MRTFB: variants seen among roughly 807,000 people sequenced by gnomAD.
MRTFB encodes the protein myocardin related transcription factor B, also known as myocardin-related transcription factor B.
In MRTFB, 29 loss-of-function variants were observed where a neutral mutation model predicts 104.2. That is an observed-to-expected ratio of 0.28 (90% CI 0.21 to 0.38). MRTFB has a LOEUF of 0.38. Among genes scored for constraint, MRTFB ranks in the 10% least tolerant of loss-of-function variants. The pLI is 1.00. For missense variants in MRTFB, 1,270 were observed against 1,341.6 expected (o/e 0.95, Z 0.83); for synonymous variants, 535 against 519.5 (o/e 1.03, Z -0.41).
chr16:14,207,838 G>A (rs1438281220), intron 3 of MRTFB, among the ~76,000 whole-genome samples: 1 of 152,208 alleles, frequency 6.6e-6, no homozygotes, highest in African/African-American at 2.4e-5. Flanking sequence ...CTGGGGAGGG[G>A]ATTATGGGAA....
intron 3 of MRTFB, chr16:14,152,892 A>T (rs1174053603): frequency 6.6e-6 from 1 of 152,216 alleles, no homozygotes; most frequent in African/African-American, 2.4e-5. Flanking sequence ...ATACAATCAA[A>T]AATTTCTTAA....
In MRTFB at chr16:14,127,000, A is replaced by G. The variant is rs12597459; in HGVS notation, c.-63-13544A>G. Among the ~76,000 whole-genome samples, 527 of 152,320 alleles carry G rather than the reference A, an allele frequency of 3.5e-3. 6 individuals are homozygous for G. In the East Asian group the frequency reaches 0.046, roughly 13 times the overall value. ...TAATTCCAAACACCTGACATATAGTATCTCACTTCATTTGCACTCTGCAAG... is the reference window on the plus strand; with the variant it reads ...TAATTCCAAACACCTGACATATAGTGTCTCACTTCATTTGCACTCTGCAAG... On this transcript the variant is annotated intron_variant, in intron 2 of 16. Coordinates refer to ENST00000571589, the MANE Select transcript of MRTFB (RefSeq NM_001308142.2).
At chr16:14,131,493 G>A (rs1160420276) in intron 2 of MRTFB, among the ~76,000 whole-genome samples, 1 of 151,900 alleles carries the variant, frequency 6.6e-6, no homozygotes. Flanking sequence ...GTCTGTCAAA[G>A]CACATTATCA....
At chr16:14,241,339 G>A (rs2042759973) in intron 10 of MRTFB, 1 of 152,268 alleles carries the variant, frequency 6.6e-6, no homozygotes, top group Non-Finnish European at 1.5e-5. Flanking sequence ...GGGACGGAAG[G>A]GAGTGAATTC....
the MRTFB span, among the ~76,000 whole-genome samples, chr16:14,017,711 ATTTTTTTTTT>A: frequency 0.015 from 514 of 33,590 alleles, 39 homozygotes; most frequent in Admixed American, 0.021. Flanking sequence ...ATATATATAT[ATTTTTTTTTT>A]TTTTTTTTTT....
the MRTFB span, among the ~76,000 whole-genome samples, chr16:13,996,227 G>A: frequency 2.6e-5 from 4 of 151,820 alleles, no homozygotes; most frequent in African/African-American, 9.7e-5. Flanking sequence ...AGCCAAGATC[G>A]TGCCGTTGCA....
chr16:14,029,478 A>G, the MRTFB span, among the ~76,000 whole-genome samples: 1 of 143,304 alleles, frequency 7.0e-6, no homozygotes, highest in East Asian at 2.0e-4. Flanking sequence ...AAACACACAC[A>G]TATGTATATA....
At chr16:14,260,014 C>A (rs1426188692) in intron 16 of MRTFB, among the ~76,000 whole-genome samples, 1 of 152,124 alleles carries the variant, frequency 6.6e-6, no homozygotes, top group African/African-American at 2.4e-5. Context: ...TAAATGAAAC[C>A]AATCATAGCC....
chr16:14,047,025 C>CT, the MRTFB span, among the ~76,000 whole-genome samples: 3 of 152,182 alleles, frequency 2.0e-5, no homozygotes, highest in Admixed American at 2.0e-4. Context: ...GGCCCTGTGC[C>CT]TAGCGGCTGG....
chr16:14,050,833 G>A, the MRTFB span, among the ~76,000 whole-genome samples: 3 of 152,030 alleles, frequency 2.0e-5, no homozygotes, highest in African/African-American at 2.4e-5. Flanking sequence ...TGGAGGTCTC[G>A]ATAATACTGT....
intron 2 of MRTFB, among the ~76,000 whole-genome samples, chr16:14,137,369 T>G (rs1228428126): frequency 6.6e-6 from 1 of 152,118 alleles, no homozygotes; most frequent in Non-Finnish European, 1.5e-5. Context: ...GAGCATAAAG[T>G]CAAGCCATAA....
chr16:14,031,264 G>A, the MRTFB span, among the ~76,000 whole-genome samples: 1 of 152,062 alleles, frequency 6.6e-6, no homozygotes, highest in Non-Finnish European at 1.5e-5. Context: ...GATGGCACAT[G>A]TCTGTAGTCC....
At chr16:14,071,737 G>A (rs1276031009) in intron 1 of MRTFB, among the ~76,000 whole-genome samples, 1 of 152,162 alleles carries the variant, frequency 6.6e-6, no homozygotes, top group Non-Finnish European at 1.5e-5. Flanking sequence ...GCACAGAGAG[G>A]TGGAGCGCCC....
chr16:14,246,037 A>C lies in MRTFB; in HGVS notation c.1212+377A>C, dbSNP rs375481574. 2.2e-3 allele frequency among the ~76,000 whole-genome samples: 333 copies of C among 151,990 alleles called. 1 individual carries two copies. Among genetic ancestry groups the C allele is most frequent in the African/African-American group, 7.5e-3 (310 of 41,256 alleles). ...AGCTCAGCCTTCTATTATCTGTGGTACCTTCAGTGAGTGCTTCAGCCTCTC... is the reference window on the plus strand; with the variant it reads ...AGCTCAGCCTTCTATTATCTGTGGTCCCTTCAGTGAGTGCTTCAGCCTCTC... On this transcript the variant is annotated intron_variant, in intron 11 of 16. Transcript: ENST00000571589.
chr16:14,054,837 C>T, the MRTFB span, among the ~76,000 whole-genome samples: 1 of 152,164 alleles, frequency 6.6e-6, no homozygotes, highest in Admixed American at 6.5e-5. Flanking sequence ...AGTTTTAGAA[C>T]AGAGGGTTTC....
At chr16:14,220,167 C>T (rs1468466442) in intron 8 of MRTFB, among the ~76,000 whole-genome samples, 2 of 152,212 alleles carry the variant, frequency 1.3e-5, no homozygotes, top group Non-Finnish European at 2.9e-5. Flanking sequence ...GAGGTTTGAG[C>T]AGGCAGAAAG....
chr16:14,080,596 T>C (rs959998228), intron 2 of MRTFB, among the ~76,000 whole-genome samples: 7 of 152,194 alleles, frequency 4.6e-5, no homozygotes, highest in Non-Finnish European at 8.8e-5. Flanking sequence ...GAATTATTCC[T>C]TCTATATCTA....
At chr16:14,030,377 C>T in the MRTFB span, among the ~76,000 whole-genome samples, 1 of 152,124 alleles carries the variant, frequency 6.6e-6, no homozygotes, top group Admixed American at 6.5e-5. Flanking sequence ...CTGGTTCAGG[C>T]CCTGGTTCTG....
At chr16:14,196,848 GAAGAACCCATTTTAT>G (rs1419796832) in intron 3 of MRTFB, among the ~76,000 whole-genome samples, 1 of 151,574 alleles carries the variant, frequency 6.6e-6, no homozygotes, top group Non-Finnish European at 1.5e-5. Flanking sequence ...ATTCCTTGAA[GAAGAACCCATTTTAT>G]AATTGGCAAA....
Sources: allele counts gnomAD v4.1 joint callset (sites outside exome capture counted in the v4.1 genomes callset), GRCh38; gene constraint gnomAD v4.1.1; transcripts MANE v1.5; gene names NCBI Gene and HGNC (gene_info 2026-07-23, HGNC 2026-07-21).